The following RALGPS2 variants were observed in gnomAD, a reference collection of about 807,000 sequenced individuals.
RALGPS2 encodes Ral GEF with PH domain and SH3 binding motif 2.
In RALGPS2, 43 loss-of-function variants were observed where a neutral mutation model predicts 86.8. The observed-to-expected ratio is 0.50, with a 90% CI of 0.39 to 0.64. The LOEUF (loss-of-function observed/expected upper bound fraction) is 0.64. RALGPS2 is among the 30% of genes least tolerant of loss of function. RALGPS2 has a pLI of 0.00. For synonymous variants in RALGPS2, 243 were observed against 231.3 expected (o/e 1.05, Z -0.46); for missense variants, 536 against 694.6 (o/e 0.77, Z 2.57).
chr1:178,797,448 T>C (rs1427174048), intron 4 of RALGPS2, among the ~76,000 whole-genome samples: 1 of 151,986 alleles, frequency 6.6e-6, no homozygotes, highest in Non-Finnish European at 1.5e-5. Flanking sequence ...TTCTTGGGAG[T>C]CCCGGTGCAA....
At chr1:178,821,752 G>A (rs1323896368) in intron 7 of RALGPS2, 48 bp downstream of exon 7, 1 of 1,332,284 alleles carries the variant, frequency 7.5e-7, no homozygotes, top group Non-Finnish European at 1.1e-6. Flanking sequence ...CCTGTGGAAA[G>A]GAAAGATATA....
chr1:178,764,123 C>T (rs573752275), intron 1 of RALGPS2, among the ~76,000 whole-genome samples: 1 of 149,260 alleles, frequency 6.7e-6, no homozygotes, highest in Admixed American at 6.7e-5. Context: ...TCTCTAAGAA[C>T]TTGCTTTATG....
chr1:178,737,034 CTT>C (rs1234042237), intron 1 of RALGPS2, among the ~76,000 whole-genome samples: 2 of 152,158 alleles, frequency 1.3e-5, no homozygotes, highest in Non-Finnish European at 2.9e-5. Flanking sequence ...CTCTTTGTCT[CTT>C]GTTTTACTTT....
chr1:178,747,154 A>AGT lies in RALGPS2; in HGVS notation c.-84+21738_-84+21739dup, dbSNP rs532622018. 1.1e-3 allele frequency: 1,152 copies of AGT among 1,003,864 alleles called. 4 individuals carry two copies. Among genetic ancestry groups the AGT allele is most frequent in the Non-Finnish European group, 1.6e-3 (992 of 625,896 alleles). The allele number at this position is 1,003,864 out of a possible 1,614,324, so 62.2% of individuals were successfully genotyped here. On this transcript the variant is annotated intron_variant, in intron 1 of 19. Transcript: ENST00000367635. ...CTCCTTTTTCCATCAAAACAAGACAAGTGTCTACCAGAGAGAAGGTGCTGG... is the reference window on the plus strand; with the variant it reads ...CTCCTTTTTCCATCAAAACAAGACAAGTGTGTCTACCAGAGAGAAGGTGCTGG...
Position 178,846,470 on chromosome 1 carries a change from T to C in RALGPS2, c.607+12920T>C, listed in dbSNP as rs542682847. ...CCAAATGGCAGCTAGCCCCTTTTCTTTAGCCAGAATTACATCCCCATTTTC... is the reference window on the plus strand; with the variant it reads ...CCAAATGGCAGCTAGCCCCTTTTCTCTAGCCAGAATTACATCCCCATTTTC... On this transcript the variant is annotated intron_variant, in intron 8 of 19. Coordinates refer to ENST00000367635, the MANE Select transcript of RALGPS2 (RefSeq NM_152663.5). Among the ~76,000 whole-genome samples, 5 of 152,288 alleles carry C rather than the reference T, an allele frequency of 3.3e-5. No individual in the cohort carries two copies. The East Asian group carries it at 9.6e-4, about 29-fold the overall frequency.
Position 178,876,288 on chromosome 1 carries a change from A to G in RALGPS2, c.608-1210A>G, listed in dbSNP as rs185058088. ...AGTGAATAGTAAGCACACATAATGT[A>G]TGATTTTTTAATAGAATATAAGTAA... On this transcript the variant is annotated intron_variant, in intron 8 of 19. Transcript: ENST00000367635. 1.5e-3 allele frequency among the ~76,000 whole-genome samples: 225 copies of G among 152,364 alleles called. 2 individuals are homozygous for G. The highest frequency in any genetic ancestry group is 4.6e-3 in the African/African-American group (193 of 41,584).
intron 8 of RALGPS2, chr1:178,865,464 C>A (rs775467512): frequency 1.2e-6 from 2 of 1,614,066 alleles, no homozygotes. Context: ...ACATCCACCA[C>A]CAGTTGCAGA....
intron 1 of RALGPS2, among the ~76,000 whole-genome samples, chr1:178,728,402 C>CTT (rs67007360): frequency 0.015 from 1,895 of 129,486 alleles, 38 homozygotes; most frequent in Non-Finnish European, 0.021. Flanking sequence ...CGAAAGTATG[C>CTT]TTTTTTTTTT....
At chr1:178,814,946 A>T (rs1263350343) in intron 6 of RALGPS2, among the ~76,000 whole-genome samples, 1 of 152,220 alleles carries the variant, frequency 6.6e-6, no homozygotes, top group African/African-American at 2.4e-5. Context: ...ATTGAATCTG[A>T]TAGGAGTGAA....
chr1:178,904,812 C>A (rs1558180346), intron 18 of RALGPS2, among the ~76,000 whole-genome samples: 3 of 152,102 alleles, frequency 2.0e-5, no homozygotes, highest in African/African-American at 7.2e-5. Flanking sequence ...TTCACTTAGT[C>A]TTGCTTCGGC....
At chr1:178,773,495 T>A (rs1178660216) in intron 1 of RALGPS2, among the ~76,000 whole-genome samples, 1 of 152,232 alleles carries the variant, frequency 6.6e-6, no homozygotes. Flanking sequence ...TTGAAGGACG[T>A]ACTAAAAGAA....
At chr1:178,787,731 ATTTT>A (rs1056980295) in intron 4 of RALGPS2, among the ~76,000 whole-genome samples, 8 of 152,054 alleles carry the variant, frequency 5.3e-5, no homozygotes, top group African/African-American at 1.9e-4. Context: ...AATCCCTTTG[ATTTT>A]TTTAACCTCC....
chr1:178,772,678 C>G (rs1652864815), intron 1 of RALGPS2, among the ~76,000 whole-genome samples: 1 of 152,202 alleles, frequency 6.6e-6, no homozygotes, highest in Admixed American at 6.5e-5. Context: ...ACAAATGAAT[C>G]AGCCCATACT....
At chr1:178,899,882 T>C (rs1335876004) in intron 17 of RALGPS2, among the ~76,000 whole-genome samples, 1 of 151,828 alleles carries the variant, frequency 6.6e-6, no homozygotes, top group Non-Finnish European at 1.5e-5. Flanking sequence ...GGGAAAAAAT[T>C]TAAAAAGCTA....
At chr1:178,904,219 C>G (rs1318068197) in intron 18 of RALGPS2, among the ~76,000 whole-genome samples, 13 of 151,682 alleles carry the variant, frequency 8.6e-5, no homozygotes, top group Non-Finnish European at 2.9e-5. Flanking sequence ...CTTACTGATT[C>G]GTTTTGAGTT....
chr1:178,893,203 AAATC>A (rs999290838), intron 15 of RALGPS2, among the ~76,000 whole-genome samples: 2 of 151,852 alleles, frequency 1.3e-5, no homozygotes, highest in African/African-American at 4.8e-5. Context: ...ATAGGACCTT[AAATC>A]AATTAGGGAA....
chr1:178,773,165 A>G (rs1042536017), intron 1 of RALGPS2, among the ~76,000 whole-genome samples: 10 of 152,226 alleles, frequency 6.6e-5, no homozygotes, highest in African/African-American at 2.2e-4. Flanking sequence ...TGATGATGTA[A>G]TAGTGATACC....
intron 1 of RALGPS2, among the ~76,000 whole-genome samples, chr1:178,750,971 G>T (rs1250014267): frequency 6.6e-6 from 1 of 152,124 alleles, no homozygotes; most frequent in Non-Finnish European, 1.5e-5. Flanking sequence ...ATACTTTGGG[G>T]GGAATTGGAC....
At chr1:178,823,751 G>T (rs577538885) in intron 7 of RALGPS2, among the ~76,000 whole-genome samples, 13 of 152,310 alleles carry the variant, frequency 8.5e-5, no homozygotes, top group Admixed American at 5.2e-4. Context: ...ATTCAGAGAG[G>T]TATAGAGAAG....
Sources: allele counts gnomAD v4.1 joint callset (sites outside exome capture counted in the v4.1 genomes callset), GRCh38; gene constraint gnomAD v4.1.1; transcripts MANE v1.5; gene names NCBI Gene and HGNC (gene_info 2026-07-23, HGNC 2026-07-21).